POPDC1: variants seen among roughly 807,000 people sequenced by gnomAD.
The protein encoded by POPDC1 is popeye domain cAMP effector 1, also known as popeye domain-containing protein 1.
the POPDC1 span, among the ~76,000 whole-genome samples, chr6:105,127,830 G>T: frequency 2.0e-5 from 3 of 151,544 alleles, no homozygotes; most frequent in African/African-American, 7.3e-5. Context: ...GCACAATCTC[G>T]GCTCACTGCA....
chr6:105,116,734 G>C, the POPDC1 span: 2 of 1,607,666 alleles, frequency 1.2e-6, no homozygotes, highest in East Asian at 2.2e-5. Context: ...TCAATGAGTA[G>C]AGCTTATTTG....
chr6:105,107,224 T>G, the POPDC1 span, among the ~76,000 whole-genome samples: 3 of 152,178 alleles, frequency 2.0e-5, no homozygotes, highest in Admixed American at 6.5e-5. Context: ...TGTCTTTCTG[T>G]GCCTGGTTTA....
the POPDC1 span, among the ~76,000 whole-genome samples, chr6:105,115,121 C>G: frequency 6.6e-6 from 1 of 152,246 alleles, no homozygotes; most frequent in African/African-American, 2.4e-5. Flanking sequence ...GAGTCTCGCT[C>G]TGTCGCCCAG....
chr6:105,125,269 C>T, the POPDC1 span: 2 of 1,209,450 alleles, frequency 1.7e-6, no homozygotes, highest in South Asian at 2.9e-5. Flanking sequence ...ATTCCACCAA[C>T]AACAAACTCT....
the POPDC1 span, among the ~76,000 whole-genome samples, chr6:105,135,658 A>G: frequency 1.3e-5 from 2 of 152,184 alleles, 1 homozygote; most frequent in East Asian, 3.8e-4. Context: ...AAATATTATT[A>G]GCAGTTTTTA....
At chr6:105,133,497 C>T in the POPDC1 span, 1 of 1,613,888 alleles carries the variant, frequency 6.2e-7, no homozygotes, top group Non-Finnish European at 8.5e-7. Context: ...TATTGGAAGG[C>T]ACAGGTATGA....
chr6:105,129,337 A>C, the POPDC1 span: 53 of 1,503,818 alleles, frequency 3.5e-5, no homozygotes, highest in South Asian at 1.8e-4. Context: ...TCAAAGTTTT[A>C]GCTTTAAAAT....
the POPDC1 span, among the ~76,000 whole-genome samples, chr6:105,114,726 CTGGGTTATT>C: frequency 6.6e-6 from 1 of 152,142 alleles, no homozygotes; most frequent in African/African-American, 2.4e-5. Flanking sequence ...TTTTCAACAT[CTGGGTTATT>C]TGTGTTACTT....
the POPDC1 span, chr6:105,116,809 T>G: frequency 5.9e-3 from 9,456 of 1,612,514 alleles, 72 homozygotes; most frequent in African/African-American, 0.031. Context: ...CCAGAAAGTA[T>G]GTTAATCTTT....
the POPDC1 span, chr6:105,136,637 G>T: frequency 6.6e-6 from 1 of 152,424 alleles, no homozygotes; most frequent in African/African-American, 2.4e-5. Context: ...CACTCGGTGG[G>T]GCCGAGGGCC....
the POPDC1 span, among the ~76,000 whole-genome samples, chr6:105,124,345 GCACTC>G: frequency 1.5e-5 from 2 of 133,828 alleles, no homozygotes; most frequent in Non-Finnish European, 1.5e-5. Flanking sequence ...TTGCACCACT[GCACTC>G]CAGCCTGGGC....
the POPDC1 span, among the ~76,000 whole-genome samples, chr6:105,116,414 T>C: frequency 6.6e-6 from 1 of 152,110 alleles, no homozygotes; most frequent in African/African-American, 2.4e-5. Context: ...CTCCCTAACT[T>C]ACTCCATCCT....
chr6:105,108,014 C>T, the POPDC1 span, among the ~76,000 whole-genome samples: 3 of 152,072 alleles, frequency 2.0e-5, no homozygotes, highest in Non-Finnish European at 2.9e-5. Flanking sequence ...AGGGCAAATG[C>T]GGAGGTTGAA....
At chr6:105,129,366 T>C in the POPDC1 span, 18 of 1,590,198 alleles carry the variant, frequency 1.1e-5, no homozygotes, top group Admixed American at 5.3e-5. Context: ...TATTAATTAA[T>C]TTTAATAATT....
the POPDC1 span, chr6:105,133,618 C>A: frequency 6.8e-7 from 1 of 1,480,538 alleles, no homozygotes; most frequent in South Asian, 1.3e-5. Flanking sequence ...AAAGTAAAAT[C>A]GTAAAAATGG....
the POPDC1 span, among the ~76,000 whole-genome samples, chr6:105,109,763 C>CAAAAAAAAA: frequency 7.0e-4 from 16 of 22,868 alleles, 2 homozygotes; most frequent in Admixed American, 3.2e-3. Flanking sequence ...GACCCTTTCT[C>CAAAAAAAAA]AAAAAAAAAA....
the POPDC1 span, chr6:105,096,903 C>A: frequency 6.6e-6 from 1 of 152,614 alleles, no homozygotes; most frequent in Non-Finnish European, 1.5e-5. Flanking sequence ...AGACAAAAAG[C>A]ATCTTTTTAT....
At chr6:105,109,446 C>T in the POPDC1 span, among the ~76,000 whole-genome samples, 4 of 151,902 alleles carry the variant, frequency 2.6e-5, no homozygotes, top group Non-Finnish European at 5.9e-5. Flanking sequence ...TTACTAAGTC[C>T]CCCTAGAGTT....
At chr6:105,102,529 T>C in the POPDC1 span, among the ~76,000 whole-genome samples, 1 of 152,172 alleles carries the variant, frequency 6.6e-6, no homozygotes, top group Non-Finnish European at 1.5e-5. Context: ...GGAGGGAGCA[T>C]GCAGAGTGGT....
Sources: allele counts gnomAD v4.1 joint callset (sites outside exome capture counted in the v4.1 genomes callset), GRCh38; gene constraint gnomAD v4.1.1; transcripts MANE v1.5; gene names NCBI Gene and HGNC (gene_info 2026-07-23, HGNC 2026-07-21).